MAP3K8: variants seen among roughly 807,000 people sequenced by gnomAD.
The protein encoded by MAP3K8 is Ewing sarcoma transformant.
Under a neutral mutation model 45.8 loss-of-function variants are expected in MAP3K8, and 22 were observed. The ratio of observed to expected loss-of-function variants is 0.48; its 90% CI spans 0.34 to 0.69. MAP3K8 has a LOEUF of 0.69. Among genes scored for constraint, MAP3K8 ranks in the 30% least tolerant of loss-of-function variants. The probability of loss-of-function intolerance (pLI) is 0.01; values close to 1 mark genes in which losing one functional copy is unlikely to be tolerated. For synonymous variants in MAP3K8, 223 were observed against 214.3 expected (o/e 1.04, Z -0.36); for missense variants, 419 against 585.0 (o/e 0.72, Z 2.93).
intron 6 of MAP3K8, among the ~76,000 whole-genome samples, chr10:30,453,563 G>A (rs1836623360): frequency 6.6e-6 from 1 of 152,152 alleles, no homozygotes; most frequent in Non-Finnish European, 1.5e-5. Context: ...AGGCTGACTG[G>A]GTGATTCAAT....
chr10:30,455,144 T>G (rs773536250), intron 6 of MAP3K8, among the ~76,000 whole-genome samples: 149 of 152,346 alleles, frequency 9.8e-4, no homozygotes, highest in Non-Finnish European at 1.7e-3. Context: ...TTTTGTGAAG[T>G]GCAAAACTGT....
rs573840203 is a variant in MAP3K8, at chr10:30,461,015, G to T, written c.*179G>T. The T allele has an allele frequency of 6.2e-5, 37 of 594,710 alleles. No individual in the cohort carries two copies. Among genetic ancestry groups the T allele is most frequent in the Non-Finnish European group, 1.0e-4 (36 of 361,336 alleles). The allele number at this position is 594,710 out of a possible 1,614,324, so 36.8% of individuals were successfully genotyped here. A position where few individuals can be genotyped will look rare whatever the true frequency, so the allele number is the denominator to read the frequency against. ...GTGTGTTTGACATGTGAAGCTATTTGATATGCACCAGGTCTCAAGGTTCTC... is the reference window on the plus strand; with the variant it reads ...GTGTGTTTGACATGTGAAGCTATTTTATATGCACCAGGTCTCAAGGTTCTC... On this transcript the variant is annotated 3_prime_UTR_variant, in exon 9 of 9. Transcript: ENST00000263056.
At chr10:30,438,742 C>G (rs1835994077) in intron 2 of MAP3K8, 174 bp from the exon 3 acceptor site, 1 of 521,978 alleles carries the variant, frequency 1.9e-6, no homozygotes, top group South Asian at 2.4e-5. Flanking sequence ...TATCTTAGGT[C>G]CCTTTCAACT....
intron 1 of MAP3K8, 143 bp downstream of exon 1, chr10:30,434,521 C>G (rs1588757863): frequency 2.0e-6 from 2 of 985,794 alleles, no homozygotes; most frequent in Non-Finnish European, 2.4e-6. Context: ...GTGCCCACAG[C>G]TGCGCTCGCG....
intron 2 of MAP3K8, among the ~76,000 whole-genome samples, chr10:30,438,179 A>G (rs1196737496): frequency 1.3e-5 from 2 of 152,222 alleles, no homozygotes; most frequent in East Asian, 3.8e-4. Context: ...GGGACCCTCA[A>G]GATGTTTGCT....
chr10:30,454,860 T>C (rs778429926), intron 6 of MAP3K8, among the ~76,000 whole-genome samples: 2 of 152,154 alleles, frequency 1.3e-5, no homozygotes, highest in African/African-American at 4.8e-5. Flanking sequence ...TGGAAAATGT[T>C]TCAGCATATT....
rs1836853565 is a variant in MAP3K8 at position 30,459,367 on chromosome 10, C to T, written c.1139C>T (p.Ala380Val). 1 of 1,614,172 alleles carries T rather than the reference C, an allele frequency of 6.2e-7. No individual in the cohort carries two copies. The highest frequency in any genetic ancestry group is 8.5e-7 in the Non-Finnish European group (1 of 1,180,032). Residue 380 changes from alanine to valine, a missense_variant, in exon 8 of 9, where the codon GCA (alanine) becomes GTA (valine). By Grantham distance (64) the Ala-to-Val change is moderately conservative (BLOSUM62 0). Transcript: ENST00000263056. ...ERNPNHRPRAADLLKHEALNP... is the reference protein window; with the variant it reads ...ERNPNHRPRAVDLLKHEALNP... ...AACCCCAATCACCGCCCAAGAGCCG[C>T]AGACCTACTAAAACATGAGGCCCTG...
chr10:30,457,118 G>T (rs1026025992), intron 6 of MAP3K8, among the ~76,000 whole-genome samples: 1 of 149,656 alleles, frequency 6.7e-6, no homozygotes, highest in Non-Finnish European at 1.5e-5. Context: ...TGAGATTATA[G>T]ACATGAGCCA....
chr10:30,436,859 G>C (rs1202853904), intron 1 of MAP3K8, among the ~76,000 whole-genome samples: 3 of 150,100 alleles, frequency 2.0e-5, no homozygotes, highest in Non-Finnish European at 4.4e-5. Flanking sequence ...CAGGAGACTT[G>C]GATCCTTTCA....
intron 3 of MAP3K8, among the ~76,000 whole-genome samples, chr10:30,444,090 C>T (rs775738778): frequency 5.9e-5 from 9 of 151,350 alleles, no homozygotes; most frequent in Non-Finnish European, 8.8e-5. Context: ...CTTGGGAGGC[C>T]GAGATGGGAG....
intron 6 of MAP3K8, among the ~76,000 whole-genome samples, chr10:30,456,501 C>G (rs757972479): frequency 6.6e-6 from 1 of 152,048 alleles, no homozygotes; most frequent in Non-Finnish European, 1.5e-5. Flanking sequence ...TAAGCTAGTT[C>G]TCTAATTACT....
At chr10:30,457,566 G>T (rs1836779553) in intron 6 of MAP3K8, among the ~76,000 whole-genome samples, 1 of 152,208 alleles carries the variant, frequency 6.6e-6, no homozygotes, top group African/African-American at 2.4e-5. Context: ...GCAGAACTTT[G>T]ATGAGTGGGA....
At chr10:30,434,700 C>G (rs1835857631) in intron 1 of MAP3K8, 2 of 985,444 alleles carry the variant, frequency 2.0e-6, no homozygotes, top group South Asian at 9.4e-5. Flanking sequence ...ACTGCGCCTC[C>G]CGCTGCCGAC....
chr10:30,458,312 C>T, intron 7 of MAP3K8, 76 bp downstream of exon 7: 1 of 1,039,792 alleles, frequency 9.6e-7, no homozygotes, highest in Non-Finnish European at 1.3e-6. Context: ...TTGGGAGGGA[C>T]TGCTCTGCCT....
intron 3 of MAP3K8, among the ~76,000 whole-genome samples, chr10:30,441,664 G>T (rs912934169): frequency 6.6e-6 from 1 of 152,100 alleles, no homozygotes; most frequent in Non-Finnish European, 1.5e-5. Context: ...CGATGGCTCT[G>T]GGGGGCTGCG....
Position 30,460,976 on chromosome 10 carries a change from C to A in MAP3K8, c.*140C>A. 1 of 981,102 alleles carries A rather than the reference C, an allele frequency of 1.0e-6. No individual in the cohort carries two copies. Among genetic ancestry groups the A allele is most frequent in the Non-Finnish European group, 1.5e-6 (1 of 682,946 alleles). 60.8% of individuals were successfully genotyped at this position (981,102 alleles called of 1,614,324 possible). On this transcript the variant is annotated 3_prime_UTR_variant, in exon 9 of 9. Transcript: ENST00000263056. ...GACCTCCTGTGACCCGTGAATGTGC[C>A]TCCAAGCGGCCCTGTGTGTTTGACA...
rs1836007417 is a variant in MAP3K8, at chr10:30,439,071, A to C, written c.133A>C (p.Ser45Arg). ...ASEEPAVYEP[S>R]LMTMCQDSNQ... ...TGAAGAGCCAGCAGTTTATGAACCC[A>C]GTCTAATGACCATGTGTCAAGACAG... The change falls in exon 3 of 9, where the codon AGT becomes CGT. Residue 45 changes from serine (S) to arginine (R), a missense_variant. This residue lies in a region of MAP3K8 where 102 missense variants were observed against 93.5 expected (regional missense o/e 1.09). Transcript: ENST00000263056. 6.2e-7 allele frequency: 1 copy of C among 1,614,132 alleles called. No individual in the cohort carries two copies. The highest frequency in any genetic ancestry group is 1.3e-5 in the African/African-American group (1 of 74,952).
At chr10:30,450,234 C>CTCGCTTGT in intron 4 of MAP3K8, 24 bp from the exon 5 acceptor site, 1 of 1,555,856 alleles carries the variant, frequency 6.4e-7, no homozygotes, top group Non-Finnish European at 8.7e-7. Context: ...TATTTAGAAT[C>CTCGCTTGT]TCGCTTGTAT....
At chr10:30,445,742 C>T (rs1378232192) in intron 3 of MAP3K8, among the ~76,000 whole-genome samples, 1 of 152,182 alleles carries the variant, frequency 6.6e-6, no homozygotes, top group Non-Finnish European at 1.5e-5. Context: ...GCTCTAGGGC[C>T]CTGCACAGGG....
Sources: allele counts gnomAD v4.1 joint callset (sites outside exome capture counted in the v4.1 genomes callset), GRCh38; gene constraint gnomAD v4.1.1; regional missense constraint gnomAD v4.1.1; transcripts MANE v1.5; gene names NCBI Gene and HGNC (gene_info 2026-07-23, HGNC 2026-07-21).